APEX2: variants seen among roughly 807,000 people sequenced by gnomAD.
The protein encoded by APEX2 is DNA-(apurinic or apyrimidinic site) endonuclease 2.
APEX2 carries 4 observed loss-of-function variants against 16.7 expected under a neutral mutation model. The ratio of observed to expected loss-of-function variants is 0.24; its 90% CI spans 0.12 to 0.55. The LOEUF (loss-of-function observed/expected upper bound fraction) is 0.55, where lower values mean the gene tolerates loss of function less well. APEX2 is among the 20% of genes least tolerant of loss of function. APEX2 has a pLI of 0.94. For missense variants in APEX2, 357 were observed against 433.6 expected (o/e 0.82, Z 1.57); for synonymous variants, 181 against 166.9 (o/e 1.08, Z -0.65).
intron 5 of APEX2, 133 bp downstream of exon 5, chrX:55,004,001 T>A: frequency 1.8e-6 from 1 of 559,567 alleles, no homozygotes; most frequent in Non-Finnish European, 3.0e-6. Context: ...ACTATTCTTA[T>A]AGTACTGAGG....
At position 55,002,996 on chromosome X, in the gene APEX2, A is replaced by G; in HGVS notation, c.457A>G (p.Ile153Val). Reference protein sequence around the residue: ...WEGKEKTLTLINVYCPHADPG... With the variant: ...WEGKEKTLTLVNVYCPHADPG... ...AGGTAAGGAGAAGACCTTGACCCTA[A>G]TCAACGTGTACTGCCCCCATGCGGA... The change falls in exon 4 of 6, where the codon ATC (isoleucine) becomes GTC (valine). Residue 153 changes from isoleucine (I) to valine (V), a missense_variant. Ile to Val is a conservative substitution (Grantham distance 29, BLOSUM62 3). Coordinates refer to ENST00000374987, the MANE Select transcript of APEX2 (RefSeq NM_014481.4). 8.3e-7 allele frequency: 1 copy of G among 1,210,919 alleles called. No homozygotes were observed. Among genetic ancestry groups the G allele is most frequent in the South Asian group, 1.8e-5 (1 of 56,733 alleles).
chrX:55,000,831 G>T (rs1935430542), intron 1 of APEX2, among the ~76,000 whole-genome samples: 1 of 108,497 alleles, frequency 9.2e-6, no homozygotes, highest in Non-Finnish European at 1.9e-5. Context: ...TCATTCTCCG[G>T]CCCCAAACTC....
intron 1 of APEX2, 78 bp from the exon 2 acceptor site, chrX:55,001,468 A>G: frequency 1.2e-6 from 1 of 805,870 alleles, no homozygotes; most frequent in African/African-American, 2.0e-5. Flanking sequence ...GAATTAGCCT[A>G]CAACTGTAAT....
chrX:55,001,693 A>C, intron 2 of APEX2, 64 bp downstream of exon 2: 1 of 908,564 alleles, frequency 1.1e-6, no homozygotes, highest in East Asian at 3.3e-5. Context: ...AAGGGTTTCC[A>C]ATATTTGATG....
intron 5 of APEX2, among the ~76,000 whole-genome samples, chrX:55,005,531 GTCTT>G (rs1267696360): frequency 1.8e-5 from 2 of 111,839 alleles, no homozygotes; most frequent in Non-Finnish European, 3.8e-5. Context: ...TGCTAGTATT[GTCTT>G]TCTTTCTTAC....
At position 55,006,262 on chromosome X, in the gene APEX2, T is replaced by G. The variant is rs894491440; in HGVS notation, c.640-256T>G. On this transcript the variant is annotated intron_variant, in intron 5 of 5. Transcript: ENST00000374987. ...GCTTTGAGTAAGCAAACTTTCAGAT[T>G]TGCCATTGACGGACCAATGCAAGAC... Among the ~76,000 whole-genome samples the G allele has an allele frequency of 3.6e-5, 4 of 110,899 alleles. No individual in the cohort carries two copies. In the East Asian group the frequency reaches 8.5e-4, roughly 23 times the overall value.
chrX:55,003,130 A>T, intron 4 of APEX2, 22 bp downstream of exon 4: 1 of 1,208,218 alleles, frequency 8.3e-7, no homozygotes, highest in Non-Finnish European at 1.1e-6. Context: ...CTGGGCAGTA[A>T]GGCTTCCTTG....
At chrX:55,004,138 C>T (rs1163242762) in intron 5 of APEX2, among the ~76,000 whole-genome samples, 1 of 112,623 alleles carries the variant, frequency 8.9e-6, no homozygotes, top group Non-Finnish European at 1.9e-5. Context: ...TGGTGGGCTA[C>T]AGACACATGG....
chrX:55,007,703 A>T lies in APEX2; in HGVS notation c.*268A>T, dbSNP rs1935527062. On this transcript the variant is annotated 3_prime_UTR_variant, in exon 6 of 6. Transcript: ENST00000374987. The stretch of plus-strand genomic sequence containing the variant: ...ACTAGCTGCCCCAGGAAGTTGTGTG[A>T]TTTTAAATCACTTCTGTCTTTGCTG... The T allele has an allele frequency of 6.5e-6, 2 of 307,287 alleles. No individual in the cohort carries two copies. Among genetic ancestry groups the T allele is most frequent in the South Asian group, 3.2e-4 (2 of 6,331 alleles). The allele number at this position is 307,287 out of a possible 1,213,427, so 25.3% of individuals were successfully genotyped here.
At chrX:55,003,728 G>A (rs1483586133) in intron 4 of APEX2, 71 bp from the exon 5 acceptor site, 6 of 1,045,950 alleles carry the variant, frequency 5.7e-6, no homozygotes, top group Non-Finnish European at 8.0e-6. Flanking sequence ...CTGAGCTCTT[G>A]GGCCCAGGAA....
intron 2 of APEX2, 138 bp downstream of exon 2, chrX:55,001,767 C>T: frequency 2.0e-6 from 1 of 496,622 alleles, no homozygotes; most frequent in South Asian, 3.7e-5. Context: ...TAGTAAATTA[C>T]ATGAAATATA....
chrX:55,002,891 A>T, intron 3 of APEX2, 71 bp from the exon 4 acceptor site: 1 of 1,109,990 alleles, frequency 9.0e-7, no homozygotes, highest in Non-Finnish European at 1.2e-6. Context: ...AATGGAAGCC[A>T]TGTGGTATGG....
intron 1 of APEX2, among the ~76,000 whole-genome samples, 167 bp downstream of exon 1, chrX:55,000,746 C>T (rs1051715109): frequency 9.0e-6 from 1 of 110,738 alleles, no homozygotes; most frequent in Non-Finnish European, 1.9e-5. Context: ...GCTAGATCCC[C>T]TAATTGCACT....
rs769131054 is a variant in APEX2 at position 55,007,479 on chromosome X, A to G, written c.*44A>G. 2.8e-6 allele frequency: 3 copies of G among 1,090,185 alleles called. No homozygotes were observed. Among genetic ancestry groups the G allele is most frequent in the South Asian group, 4.8e-5 (2 of 41,342 alleles). The allele number at this position is 1,090,185 out of a possible 1,213,427, so 89.8% of individuals were successfully genotyped here. A position where few individuals can be genotyped will look rare whatever the true frequency, so the allele number is the denominator to read the frequency against. Reference sequence around the variant, plus strand: ...ACATCTGGCATGGTCACCCCTGCACATGATCTGAGGCCAGCTCCCCTTCCC... The same window carrying G: ...ACATCTGGCATGGTCACCCCTGCACGTGATCTGAGGCCAGCTCCCCTTCCC... On this transcript the variant is annotated 3_prime_UTR_variant, in exon 6 of 6. Transcript: ENST00000374987.
chrX:55,001,476 A>C, intron 1 of APEX2, 70 bp from the exon 2 acceptor site: 1 of 872,706 alleles, frequency 1.1e-6, no homozygotes, highest in Non-Finnish European at 1.6e-6. Context: ...CTACAACTGT[A>C]ATTCCAGGCC....
intron 5 of APEX2, among the ~76,000 whole-genome samples, chrX:55,004,540 C>G (rs1368904315): frequency 8.9e-6 from 1 of 111,909 alleles, no homozygotes; most frequent in Non-Finnish European, 1.9e-5. Context: ...CTCCCTGTTA[C>G]CTCTGTGATG....
intron 3 of APEX2, 99 bp from the exon 4 acceptor site, chrX:55,002,863 C>T: frequency 1.0e-6 from 1 of 983,932 alleles, no homozygotes. Context: ...CTTTCTTTTC[C>T]ATCCCAGACA....
intron 1 of APEX2, among the ~76,000 whole-genome samples, chrX:55,001,268 G>C (rs1184051804): frequency 9.1e-6 from 1 of 109,456 alleles, no homozygotes; most frequent in East Asian, 2.9e-4. Flanking sequence ...AGACCCCCAG[G>C]CTTAGCTCTG....
At chrX:55,003,567 G>C (rs1185581454) in intron 4 of APEX2, among the ~76,000 whole-genome samples, 1 of 111,921 alleles carries the variant, frequency 8.9e-6, no homozygotes, top group Non-Finnish European at 1.9e-5. Flanking sequence ...GATTAGTGAG[G>C]CAGTCATGTC....
Sources: gnomAD v4.1 joint callset for allele counts (sites outside exome capture counted in the v4.1 genomes callset) on GRCh38, gnomAD v4.1.1 for gene constraint, MANE v1.5 for transcripts, NCBI Gene and HGNC (gene_info 2026-07-23, HGNC 2026-07-21) for gene names.